Variants in ARB2A observed in about 807,000 individuals in gnomAD.
ARB2A encodes ARB2 cotranscriptional regulator A, also known as cotranscriptional regulator ARB2A.
At chr5:93,748,770 A>T in the ARB2A span, among the ~76,000 whole-genome samples, 1 of 152,136 alleles carries the variant, frequency 6.6e-6, no homozygotes, top group Non-Finnish European at 1.5e-5. Context: ...AGAAAAAATA[A>T]TAAAACTAAT....
the ARB2A span, among the ~76,000 whole-genome samples, chr5:93,823,174 A>G: frequency 1.3e-5 from 2 of 152,232 alleles, no homozygotes; most frequent in Admixed American, 6.5e-5. Flanking sequence ...TTCCTGTAAC[A>G]TAAGAGATTA....
the ARB2A span, among the ~76,000 whole-genome samples, chr5:93,780,410 C>T: frequency 6.6e-6 from 1 of 152,184 alleles, no homozygotes; most frequent in Non-Finnish European, 1.5e-5. Flanking sequence ...TTTTACCTCT[C>T]TCTCCTCAAG....
At chr5:93,646,814 T>C in the ARB2A span, among the ~76,000 whole-genome samples, 1 of 151,844 alleles carries the variant, frequency 6.6e-6, no homozygotes, top group African/African-American at 2.4e-5. Context: ...CCAGAAGTAT[T>C]ATTAAGTTTA....
chr5:94,034,898 T>C, the ARB2A span, among the ~76,000 whole-genome samples: 1 of 152,114 alleles, frequency 6.6e-6, no homozygotes, highest in Non-Finnish European at 1.5e-5. Flanking sequence ...AATATTCTCA[T>C]AGGAACATAA....
the ARB2A span, among the ~76,000 whole-genome samples, chr5:94,021,548 T>G: frequency 6.6e-6 from 1 of 152,170 alleles, no homozygotes; most frequent in South Asian, 2.1e-4. Context: ...ACAGAAGACA[T>G]AGACAACAGC....
chr5:93,707,184 G>C, the ARB2A span, among the ~76,000 whole-genome samples: 6 of 152,130 alleles, frequency 3.9e-5, no homozygotes, highest in African/African-American at 1.2e-4. Context: ...AGTTTGTTTT[G>C]CTTTAGAAGT....
the ARB2A span, among the ~76,000 whole-genome samples, chr5:93,945,320 AG>A: frequency 6.6e-6 from 1 of 151,780 alleles, no homozygotes; most frequent in Non-Finnish European, 1.5e-5. Context: ...AGTCTGAGGC[AG>A]GAAGAATTGC....
At chr5:93,791,831 G>C in the ARB2A span, among the ~76,000 whole-genome samples, 8 of 152,178 alleles carry the variant, frequency 5.3e-5, no homozygotes, top group African/African-American at 7.2e-5. Flanking sequence ...GGCCAGAAGA[G>C]AGCAGTAATA....
chr5:93,977,676 T>G, the ARB2A span, among the ~76,000 whole-genome samples: 1 of 152,074 alleles, frequency 6.6e-6, no homozygotes, highest in Admixed American at 6.6e-5. Flanking sequence ...GAAGAGAACC[T>G]AGGAAATACT....
the ARB2A span, among the ~76,000 whole-genome samples, chr5:93,826,190 T>C: frequency 2.0e-5 from 3 of 152,150 alleles, no homozygotes; most frequent in Non-Finnish European, 4.4e-5. Context: ...ATAATACTGA[T>C]CAAAAAGCAA....
the ARB2A span, among the ~76,000 whole-genome samples, chr5:93,872,609 G>T: frequency 6.6e-6 from 1 of 152,038 alleles, no homozygotes; most frequent in African/African-American, 2.4e-5. Flanking sequence ...AAAGAAGGCT[G>T]GGTACACTTA....
At chr5:93,721,432 G>C in the ARB2A span, among the ~76,000 whole-genome samples, 1 of 152,148 alleles carries the variant, frequency 6.6e-6, no homozygotes, top group African/African-American at 2.4e-5. Context: ...TTTAAGTGTA[G>C]CATTAGTCTG....
chr5:93,973,450 C>T, the ARB2A span, among the ~76,000 whole-genome samples: 2 of 152,070 alleles, frequency 1.3e-5, no homozygotes, highest in Admixed American at 1.3e-4. Context: ...GACTTACTGG[C>T]ATTCCTGAGT....
At chr5:93,922,552 G>A in the ARB2A span, among the ~76,000 whole-genome samples, 1 of 141,050 alleles carries the variant, frequency 7.1e-6, no homozygotes, top group Admixed American at 7.2e-5. Flanking sequence ...GCGGGTGCCT[G>A]TAATCCCAGG....
the ARB2A span, among the ~76,000 whole-genome samples, chr5:93,878,171 T>G: frequency 6.7e-6 from 1 of 148,946 alleles, no homozygotes; most frequent in Admixed American, 6.7e-5. Flanking sequence ...TTGGAATGTT[T>G]CCTCATAGAA....
the ARB2A span, chr5:93,741,397 G>C: frequency 4.3e-6 from 7 of 1,613,168 alleles, no homozygotes; most frequent in East Asian, 1.1e-4. Flanking sequence ...GTCAGGGCCT[G>C]GGCAGATCCC....
At chr5:93,895,075 C>CA in the ARB2A span, among the ~76,000 whole-genome samples, 6 of 151,872 alleles carry the variant, frequency 4.0e-5, no homozygotes, top group Non-Finnish European at 1.5e-5. Flanking sequence ...GCTTTCCAAC[C>CA]AAAAAAACAA....
the ARB2A span, chr5:94,074,848 C>CA: frequency 2.3e-6 from 2 of 864,302 alleles, no homozygotes; most frequent in Admixed American, 5.0e-5. Context: ...TCCTCCCAGT[C>CA]AGGATTAATC....
chr5:94,093,626 A>G, the ARB2A span, among the ~76,000 whole-genome samples: 6 of 152,168 alleles, frequency 3.9e-5, no homozygotes, highest in African/African-American at 1.4e-4. Flanking sequence ...AGTCAATAGC[A>G]TTCTGCCACT....
Sources: gnomAD v4.1 joint callset for allele counts (sites outside exome capture counted in the v4.1 genomes callset) on GRCh38, gnomAD v4.1.1 for gene constraint, MANE v1.5 for transcripts, NCBI Gene and HGNC (gene_info 2026-07-23, HGNC 2026-07-21) for gene names.